Variants in VTI1A observed in about 807,000 individuals in gnomAD.
The protein encoded by VTI1A is vesicle transport through interaction with t-SNAREs homolog 1A.
In VTI1A, 22 loss-of-function variants were observed where a neutral mutation model predicts 34.9. That is an observed-to-expected ratio of 0.63 (90% CI 0.45 to 0.90). VTI1A has a LOEUF of 0.90. VTI1A is among the 40% of genes least tolerant of loss of function. The probability of loss-of-function intolerance (pLI) is 0.00; values close to 1 mark genes in which losing one functional copy is unlikely to be tolerated. For missense variants in VTI1A, 268 were observed against 275.6 expected (o/e 0.97, Z 0.20); for synonymous variants, 87 against 97.3 (o/e 0.89, Z 0.62).
At chr10:112,573,562 G>A (rs1852219137) in intron 5 of VTI1A, among the ~76,000 whole-genome samples, 1 of 152,356 alleles carries the variant, frequency 6.6e-6, no homozygotes, top group African/African-American at 2.4e-5. Context: ...CTGGGAGGCA[G>A]TGTAATATAG....
At chr10:112,554,575 A>G (rs1851480374) in intron 5 of VTI1A, among the ~76,000 whole-genome samples, 1 of 152,178 alleles carries the variant, frequency 6.6e-6, no homozygotes, top group Non-Finnish European at 1.5e-5. Context: ...ACAAAAGGAC[A>G]TTGCAATCAC....
At chr10:112,676,900 C>G (rs1039760528) in intron 7 of VTI1A, among the ~76,000 whole-genome samples, 1 of 152,192 alleles carries the variant, frequency 6.6e-6, no homozygotes, top group African/African-American at 2.4e-5. Flanking sequence ...CTTTCCGTCT[C>G]GCATCTCAGA....
chr10:112,602,097 A>G (rs1844900612), intron 5 of VTI1A, among the ~76,000 whole-genome samples: 1 of 152,220 alleles, frequency 6.6e-6, no homozygotes, highest in African/African-American at 2.4e-5. Flanking sequence ...CATTTATAGA[A>G]TGCACTTTTT....
At chr10:112,650,470 T>TA (rs1554932295) in intron 5 of VTI1A, among the ~76,000 whole-genome samples, 4 of 151,554 alleles carry the variant, frequency 2.6e-5, no homozygotes, top group South Asian at 2.1e-4. Context: ...CATTTTTTTT[T>TA]AAATAAGTGG....
At chr10:112,830,849 A>ATATATTT in the VTI1A span, among the ~76,000 whole-genome samples, 26 of 33,494 alleles carry the variant, frequency 7.8e-4, no homozygotes, top group Non-Finnish European at 7.4e-4. Context: ...ATATATATAT[A>ATATATTT]TTTTTTTTTT....
At chr10:112,607,528 G>C (rs779699345) in intron 5 of VTI1A, among the ~76,000 whole-genome samples, 1 of 152,096 alleles carries the variant, frequency 6.6e-6, no homozygotes, top group South Asian at 2.1e-4. Flanking sequence ...GCCTAAAATG[G>C]GAAGGTAGGA....
chr10:112,609,546 G>A (rs550993242), intron 5 of VTI1A, among the ~76,000 whole-genome samples: 2 of 152,192 alleles, frequency 1.3e-5, no homozygotes, highest in South Asian at 2.1e-4. Context: ...AATGTTGAAT[G>A]GATACATGAA....
intron 3 of VTI1A, among the ~76,000 whole-genome samples, chr10:112,484,682 G>T (rs12244714): frequency 0.2 from 31,031 of 151,812 alleles, 4,400 homozygotes; most frequent in African/African-American, 0.41. Flanking sequence ...ATTTTTTGTA[G>T]TTTTGAAGTA....
intron 1 of VTI1A, chr10:112,448,293 A>G (rs1847043288): frequency 6.6e-6 from 1 of 152,034 alleles, no homozygotes; most frequent in Non-Finnish European, 1.5e-5. Flanking sequence ...TTCATGTAAA[A>G]CTTGGTACAA....
intron 7 of VTI1A, among the ~76,000 whole-genome samples, chr10:112,713,856 C>T (rs1228758930): frequency 6.6e-6 from 1 of 152,108 alleles, no homozygotes; most frequent in Non-Finnish European, 1.5e-5. Context: ...TCCTTAACAA[C>T]CCGTGTATTT....
At chr10:112,621,852 C>T (rs1345079269) in intron 5 of VTI1A, among the ~76,000 whole-genome samples, 1 of 152,178 alleles carries the variant, frequency 6.6e-6, no homozygotes, top group African/African-American at 2.4e-5. Context: ...TTTGCACACT[C>T]GTCTCCATTT....
At chr10:112,649,104 G>A (rs946124977) in intron 5 of VTI1A, among the ~76,000 whole-genome samples, 1 of 152,104 alleles carries the variant, frequency 6.6e-6, no homozygotes, top group African/African-American at 2.4e-5. Flanking sequence ...TCTTAATCAA[G>A]TATGATTTGT....
intron 3 of VTI1A, among the ~76,000 whole-genome samples, chr10:112,525,669 T>A (rs1014080633): frequency 2.0e-5 from 3 of 152,230 alleles, no homozygotes; most frequent in Non-Finnish European, 4.4e-5. Context: ...AATTTTTTTC[T>A]TATGTACCAT....
intron 5 of VTI1A, among the ~76,000 whole-genome samples, chr10:112,566,397 G>A (rs181370460): frequency 4.4e-4 from 67 of 152,144 alleles, no homozygotes; most frequent in African/African-American, 1.4e-3. Context: ...ACTTTTATAC[G>A]TTGGAAAATA....
chr10:112,447,781 CAT>C (rs758493086), intron 1 of VTI1A, among the ~76,000 whole-genome samples: 5 of 152,276 alleles, frequency 3.3e-5, no homozygotes, highest in South Asian at 4.1e-4. Flanking sequence ...AAATTATAGA[CAT>C]GTGAGTATTC....
At chr10:112,805,277 G>A (rs1420222678) in intron 7 of VTI1A, among the ~76,000 whole-genome samples, 1 of 151,778 alleles carries the variant, frequency 6.6e-6, no homozygotes, top group African/African-American at 2.4e-5. Flanking sequence ...TTTTTAAATG[G>A]TTGAAAAAAA....
intron 3 of VTI1A, among the ~76,000 whole-genome samples, chr10:112,512,053 G>A (rs576322184): frequency 4.6e-5 from 7 of 152,200 alleles, no homozygotes; most frequent in African/African-American, 1.7e-4. Flanking sequence ...TTGATATATT[G>A]ATTTCTTTTC....
the VTI1A span, among the ~76,000 whole-genome samples, chr10:112,853,471 G>T: frequency 6.6e-6 from 1 of 152,176 alleles, no homozygotes; most frequent in Admixed American, 6.5e-5. Context: ...GAGGGGCAAG[G>T]TGCTTAGTCC....
At chr10:112,822,404 G>A (rs1853670207), downstream of VTI1A, among the ~76,000 whole-genome samples, 1 of 152,168 alleles carries the variant, frequency 6.6e-6, no homozygotes, top group African/African-American at 2.4e-5. Flanking sequence ...GAAGGATCGA[G>A]AAAGAGCAGG....
Sources: allele counts gnomAD v4.1 joint callset (sites outside exome capture counted in the v4.1 genomes callset), GRCh38; gene constraint gnomAD v4.1.1; transcripts MANE v1.5; gene names NCBI Gene and HGNC (gene_info 2026-07-23, HGNC 2026-07-21).